MAMLD1: variants seen among roughly 807,000 people sequenced by gnomAD.
MAMLD1 encodes the protein mastermind like domain containing 1, also known as mastermind-like domain-containing protein 1.
In MAMLD1, 14 loss-of-function variants were observed where a neutral mutation model predicts 45.0. The ratio of observed to expected loss-of-function variants is 0.31; its 90% CI spans 0.21 to 0.49. The LOEUF (loss-of-function observed/expected upper bound fraction) is 0.49. Ranked by LOEUF, MAMLD1 falls within the 20% of genes least tolerant of loss-of-function variation. MAMLD1 has a pLI of 0.99. For synonymous variants in MAMLD1, 254 were observed against 247.8 expected, an observed-to-expected ratio of 1.02 and a Z score of -0.24; for missense variants, 543 against 603.6, an observed-to-expected ratio of 0.90 and a Z score of 1.05.
chrX:150,470,728 T>A lies in MAMLD1; in HGVS notation c.1155T>A (p.Asn385Lys). 8.3e-7 allele frequency: 1 copy of A among 1,211,961 alleles called. No homozygotes were observed. Among genetic ancestry groups the A allele is most frequent in the Non-Finnish European group, 1.1e-6 (1 of 895,538 alleles). The change falls in exon 4 of 8, where the codon AAT becomes AAA. Residue 385 changes from asparagine to lysine, a missense_variant. Coordinates refer to ENST00000370401, the MANE Select transcript of MAMLD1 (RefSeq NM_005491.5). ...GTAGCACTCTCCGAGGCTCTCCCAA[T>A]GCCTTACTGTCAAGCATGACGTCCA... ...LSGSTLRGSP[N>K]ALLSSMTSSS...
At chrX:150,397,964 G>A (rs1476490209) in intron 1 of MAMLD1, among the ~76,000 whole-genome samples, 1 of 109,991 alleles carries the variant, frequency 9.1e-6, no homozygotes, top group Non-Finnish European at 1.9e-5. Context: ...ACTACCTTAT[G>A]AGGCAGCCCA....
chrX:150,371,278 A>G (rs1187634187), intron 1 of MAMLD1, among the ~76,000 whole-genome samples: 1 of 111,285 alleles, frequency 9.0e-6, no homozygotes, highest in Admixed American at 9.6e-5. Context: ...ATTTTGGGAA[A>G]GGCCATTTTC....
chrX:150,480,060 C>T (rs1364266028), intron 5 of MAMLD1, among the ~76,000 whole-genome samples: 3 of 112,004 alleles, frequency 2.7e-5, no homozygotes, highest in East Asian at 5.6e-4. Flanking sequence ...CTCAGATCCA[C>T]TTCTGACTCT....
At position 150,470,978 on chromosome X, in the gene MAMLD1, C is replaced by T; in HGVS notation, c.1405C>T (p.Pro469Ser). Residue 469 changes from proline (P) to serine (S), a missense_variant, in exon 4 of 8, where the codon CCA becomes TCA. Pro to Ser is a moderately conservative substitution (Grantham distance 74). Transcript: ENST00000370401. ...RPEKLSSPGLPQQSFTPQCSL... is the reference protein window; with the variant it reads ...RPEKLSSPGLSQQSFTPQCSL... ...AGAGAAGCTCTCTAGCCCAGGCTTG[C>T]CACAGCAGTCCTTCACCCCACAGTG... is the stretch of plus-strand genomic sequence containing the variant. The T allele has an allele frequency of 8.3e-7, 1 of 1,211,945 alleles. No homozygotes were observed. The highest frequency in any genetic ancestry group is 1.1e-6 in the Non-Finnish European group (1 of 895,574).
intron 1 of MAMLD1, among the ~76,000 whole-genome samples, chrX:150,381,124 A>C (rs1194356572): frequency 8.9e-6 from 1 of 111,885 alleles, no homozygotes; most frequent in Non-Finnish European, 1.9e-5. Context: ...ACTTGGGTCT[A>C]TTTCTACATG....
chrX:150,471,877 C>A (rs2036440954), intron 4 of MAMLD1, among the ~76,000 whole-genome samples: 1 of 112,300 alleles, frequency 8.9e-6, no homozygotes, highest in Non-Finnish European at 1.9e-5. Context: ...TAATCTTATC[C>A]CTGCTGGCAG....
intron 5 of MAMLD1, among the ~76,000 whole-genome samples, chrX:150,479,010 T>G (rs1444859216): frequency 2.7e-5 from 3 of 111,969 alleles, no homozygotes; most frequent in African/African-American, 9.7e-5. Flanking sequence ...ACATGGGCTG[T>G]TGAATTTGGG....
At chrX:150,423,027 T>G (rs2034571529) in intron 1 of MAMLD1, among the ~76,000 whole-genome samples, 1 of 111,699 alleles carries the variant, frequency 9.0e-6, no homozygotes, top group African/African-American at 3.3e-5. Flanking sequence ...AGAGGTCAAA[T>G]GACCTATGGA....
intron 1 of MAMLD1, among the ~76,000 whole-genome samples, chrX:150,386,222 G>A (rs1557402034): frequency 1.2e-4 from 13 of 111,195 alleles, no homozygotes. Context: ...GTAATTTACT[G>A]TTTCAGGCTT....
chrX:150,402,240 C>T (rs1485521954), intron 1 of MAMLD1, among the ~76,000 whole-genome samples: 1 of 109,764 alleles, frequency 9.1e-6, no homozygotes. Context: ...AAACAAACAA[C>T]CCCATCAAAA....
chrX:150,410,920 G>A (rs2034108057), intron 1 of MAMLD1, among the ~76,000 whole-genome samples: 1 of 111,714 alleles, frequency 9.0e-6, no homozygotes, highest in African/African-American at 3.3e-5. Flanking sequence ...GTGGAGCCCA[G>A]GATGGCTTTG....
intron 5 of MAMLD1, among the ~76,000 whole-genome samples, chrX:150,482,499 T>C (rs1186177241): frequency 8.9e-6 from 1 of 112,775 alleles, no homozygotes; most frequent in African/African-American, 3.2e-5. Context: ...CACTTAAAAA[T>C]TGTTAAAATG....
At chrX:150,453,067 G>T (rs782009349) in intron 2 of MAMLD1, among the ~76,000 whole-genome samples, 20 of 110,919 alleles carry the variant, frequency 1.8e-4, no homozygotes, top group African/African-American at 4.9e-4. Context: ...GCTCCAGAAA[G>T]GTTGCCCACC....
chrX:150,364,100 C>G (rs1021522488), intron 1 of MAMLD1, among the ~76,000 whole-genome samples: 1 of 112,981 alleles, frequency 8.9e-6, no homozygotes, highest in African/African-American at 3.2e-5. Flanking sequence ...AAGCGCAGCC[C>G]GGAGCTGAGC....
chrX:150,494,151 T>A lies in MAMLD1; in HGVS notation c.2041-9123T>A, dbSNP rs189951460. On this transcript the variant is annotated intron_variant, in intron 5 of 7. Coordinates refer to ENST00000370401, the MANE Select transcript of MAMLD1 (RefSeq NM_005491.5). ...TGGCTCAAGCCTGTAATCCCAGCAC[T>A]TTGGGAGGCCAAGGAGGGCGGATCA... Among the ~76,000 whole-genome samples, 314 of 111,604 alleles carry A rather than the reference T, an allele frequency of 2.8e-3. 2 individuals are homozygous for A. Among genetic ancestry groups the A allele is most frequent in the African/African-American group, 9.9e-3 (305 of 30,690 alleles).
intron 5 of MAMLD1, among the ~76,000 whole-genome samples, chrX:150,491,246 T>C (rs1027876788): frequency 9.0e-6 from 1 of 111,726 alleles, no homozygotes; most frequent in Non-Finnish European, 1.9e-5. Context: ...TTGTCTGAGG[T>C]CATACAGCTG....
chrX:150,448,669 G>A (rs1557404907), intron 2 of MAMLD1, among the ~76,000 whole-genome samples: 1 of 112,409 alleles, frequency 8.9e-6, no homozygotes, highest in East Asian at 2.8e-4. Flanking sequence ...TGCACTTAGT[G>A]TATGGAGTTT....
intron 1 of MAMLD1, among the ~76,000 whole-genome samples, chrX:150,398,528 T>C (rs190018690): frequency 5.3e-4 from 59 of 111,295 alleles, no homozygotes; most frequent in Non-Finnish European, 8.5e-4. Flanking sequence ...ACTGGTATTT[T>C]CAGTAGGAAG....
chrX:150,488,673 G>A (rs1569565006), intron 5 of MAMLD1, among the ~76,000 whole-genome samples: 1 of 113,106 alleles, frequency 8.8e-6, no homozygotes, highest in Non-Finnish European at 1.9e-5. Flanking sequence ...TAAGGTAATT[G>A]ATGGATTCCA....
Sources: allele counts gnomAD v4.1 joint callset (sites outside exome capture counted in the v4.1 genomes callset), GRCh38; gene constraint gnomAD v4.1.1; transcripts MANE v1.5; gene names NCBI Gene and HGNC (gene_info 2026-07-23, HGNC 2026-07-21).